The following NMNAT3 variants were observed in gnomAD, a reference collection of about 807,000 sequenced individuals.
NMNAT3 encodes the protein nicotinamide/nicotinic acid mononucleotide adenylyltransferase 3.
Under a neutral mutation model 24.8 loss-of-function variants are expected in NMNAT3, and 21 were observed. The ratio of observed to expected loss-of-function variants is 0.85; its 90% CI spans 0.60 to 1.22. The LOEUF (loss-of-function observed/expected upper bound fraction) is 1.22, where lower values mean the gene tolerates loss of function less well. NMNAT3 is among the 50% of genes most tolerant of loss of function. The pLI is 0.00. For missense variants in NMNAT3, 387 were observed against 436.6 expected, an observed-to-expected ratio of 0.89 and a Z score of 1.01; for synonymous variants, 136 against 155.2, an observed-to-expected ratio of 0.88 and a Z score of 0.92.
At chr3:139,670,754 T>C (rs1356436233) in intron 1 of NMNAT3, among the ~76,000 whole-genome samples, 1 of 152,122 alleles carries the variant, frequency 6.6e-6, no homozygotes, top group Admixed American at 6.5e-5. Context: ...TTAGTAACTG[T>C]GTGTGTTGGG....
Position 139,583,225 on chromosome 3 carries a change from C to T in NMNAT3, c.110-17G>A, listed in dbSNP as rs530752460. 152 of 1,202,798 alleles carry T rather than the reference C, an allele frequency of 1.3e-4. No homozygotes were observed. The African/African-American group carries it at 1.8e-3, about 14-fold the overall frequency. 74.5% of individuals were successfully genotyped at this position (1,202,798 alleles called of 1,614,324 possible). On this transcript the variant is annotated splice_polypyrimidine_tract_variant and intron_variant, in intron 3 of 6. Transcript: ENST00000643695. ...CTTCATATTCTGGAATACAAGAAAA[C>T]GTGTAAATGTTTGCAAATTCAGGTG...
rs542585949 is a variant in NMNAT3 at position 139,659,934 on chromosome 3, C to G, written c.-141+17771G>C. ...CACGTTTTTAGATCCCACTCCAGAT[C>G]TTTGCAATCAGAAATCAGGGCTGGG... is the stretch of plus-strand genomic sequence containing the variant. On this transcript the variant is annotated intron_variant, in intron 1 of 6. Transcript: ENST00000643695. Among the ~76,000 whole-genome samples the G allele has an allele frequency of 3.3e-5, 5 of 152,344 alleles. No individual in the cohort carries two copies. In the South Asian group the frequency reaches 1.0e-3, roughly 32 times the overall value.
At chr3:139,657,421 G>A (rs900394344) in intron 1 of NMNAT3, among the ~76,000 whole-genome samples, 6 of 152,258 alleles carry the variant, frequency 3.9e-5, no homozygotes, top group African/African-American at 1.4e-4. Context: ...TAGTGCGCAG[G>A]TGTCAGAAAT....
At chr3:139,595,672 C>G (rs2054418217) in intron 3 of NMNAT3, among the ~76,000 whole-genome samples, 1 of 152,092 alleles carries the variant, frequency 6.6e-6, no homozygotes, top group Non-Finnish European at 1.5e-5. Flanking sequence ...CTACAACTAT[C>G]TGATCTTTGA....
chr3:139,601,140 C>A (rs1443378081), intron 3 of NMNAT3, among the ~76,000 whole-genome samples: 1 of 152,202 alleles, frequency 6.6e-6, no homozygotes, highest in Non-Finnish European at 1.5e-5. Flanking sequence ...CTGCTGAAGG[C>A]AAGCTGCTCA....
intron 1 of NMNAT3, among the ~76,000 whole-genome samples, chr3:139,654,602 G>C (rs762285335): frequency 6.6e-6 from 1 of 152,174 alleles, no homozygotes; most frequent in Non-Finnish European, 1.5e-5. Context: ...TTTTGCCTTT[G>C]ATGTGAAAAA....
intron 6 of NMNAT3, chr3:139,569,177 TTG>T (rs200853485): frequency 1.6e-5 from 1 of 61,478 alleles, no homozygotes; most frequent in East Asian, 4.9e-3. Context: ...CTGCCTTTTT[TTG>T]TTTTCCATTT....
At chr3:139,603,674 T>C (rs2054813987) in intron 3 of NMNAT3, among the ~76,000 whole-genome samples, 1 of 152,064 alleles carries the variant, frequency 6.6e-6, no homozygotes, top group Non-Finnish European at 1.5e-5. Context: ...TTACCACCGC[T>C]GCCACTAATA....
At chr3:139,580,036 G>A (rs72990648) in intron 4 of NMNAT3, among the ~76,000 whole-genome samples, 557 of 152,210 alleles carry the variant, frequency 3.7e-3, no homozygotes, top group African/African-American at 0.012. Context: ...TGTTTTTTAG[G>A]TAGTAAGACA....
intron 4 of NMNAT3, among the ~76,000 whole-genome samples, chr3:139,581,285 T>TG (rs1940137771): frequency 9.4e-6 from 1 of 105,866 alleles, no homozygotes; most frequent in Non-Finnish European, 2.0e-5. Flanking sequence ...AATTTGAATA[T>TG]GGACAGTATA....
chr3:139,615,771 G>A (rs2055471172), intron 3 of NMNAT3, among the ~76,000 whole-genome samples: 1 of 152,160 alleles, frequency 6.6e-6, no homozygotes, highest in Non-Finnish European at 1.5e-5. Context: ...TAGAATATTT[G>A]TTTAGAGTTT....
intron 2 of NMNAT3, 86 bp downstream of exon 2, chr3:139,637,877 C>G (rs2056558896): frequency 6.6e-6 from 1 of 152,138 alleles, no homozygotes; most frequent in Non-Finnish European, 1.5e-5. Context: ...TCCATTCTTT[C>G]CTTGCATAGC....
At chr3:139,567,007 C>A (rs1291353770) in intron 6 of NMNAT3, 2 of 151,420 alleles carry the variant, frequency 1.3e-5, no homozygotes, top group African/African-American at 4.8e-5. Flanking sequence ...ATGGAATGTT[C>A]TTCCATTTGT....
chr3:139,640,880 T>A (rs1486712668), intron 1 of NMNAT3, among the ~76,000 whole-genome samples: 1 of 152,268 alleles, frequency 6.6e-6, no homozygotes, highest in Admixed American at 6.5e-5. Context: ...CAGGGATCTA[T>A]GAAGTCAGAG....
At chr3:139,666,684 C>T (rs2057592998) in intron 1 of NMNAT3, among the ~76,000 whole-genome samples, 1 of 152,130 alleles carries the variant, frequency 6.6e-6, no homozygotes, top group Admixed American at 6.5e-5. Flanking sequence ...CTAGAACTTA[C>T]TCCTAACTGT....
chr3:139,614,534 T>C (rs1576650356), intron 3 of NMNAT3, among the ~76,000 whole-genome samples: 1 of 152,260 alleles, frequency 6.6e-6, no homozygotes, highest in Non-Finnish European at 1.5e-5. Context: ...TTGTCTTTCA[T>C]GACACTGACA....
chr3:139,630,707 C>G (rs1033455833), intron 2 of NMNAT3, among the ~76,000 whole-genome samples: 2 of 152,190 alleles, frequency 1.3e-5, no homozygotes, highest in African/African-American at 4.8e-5. Context: ...GGGCCGTGGT[C>G]TCTCCATACT....
intron 1 of NMNAT3, among the ~76,000 whole-genome samples, chr3:139,653,588 T>G (rs1559957242): frequency 2.0e-5 from 3 of 152,232 alleles, no homozygotes. Flanking sequence ...AGCCACGTGT[T>G]GGGGTCAGGA....
chr3:139,641,597 GAGGACATATGA>G (rs1470896594), intron 1 of NMNAT3, among the ~76,000 whole-genome samples: 1 of 152,176 alleles, frequency 6.6e-6, no homozygotes, highest in Non-Finnish European at 1.5e-5. Context: ...AAAGCCCAAG[GAGGACATATGA>G]AGGTAACAAC....
Sources: allele counts gnomAD v4.1 joint callset (sites outside exome capture counted in the v4.1 genomes callset), GRCh38; gene constraint gnomAD v4.1.1; transcripts MANE v1.5; gene names NCBI Gene and HGNC (gene_info 2026-07-23, HGNC 2026-07-21).